TXNRD3: variants seen among roughly 807,000 people sequenced by gnomAD.
TXNRD3 encodes thioredoxin reductase 3, also known as TXNRD3 neighbor gene protein.
Under a neutral mutation model 78.2 loss-of-function variants are expected in TXNRD3, and 68 were observed. The observed-to-expected ratio is 0.87, with a 90% CI of 0.72 to 1.06. The LOEUF (loss-of-function observed/expected upper bound fraction) is 1.06, where lower values mean the gene tolerates loss of function less well. TXNRD3 is among the 50% of genes least tolerant of loss of function. The pLI is 0.00. For missense variants in TXNRD3, 751 were observed against 809.5 expected (o/e 0.93, Z 0.88); for synonymous variants, 296 against 300.1 (o/e 0.99, Z 0.14).
intron 12 of TXNRD3, among the ~76,000 whole-genome samples, chr3:126,619,934 TAAGCGTCATAAGAGCCACATGTACTG>T (rs995000567): frequency 6.6e-5 from 10 of 152,104 alleles, no homozygotes; most frequent in African/African-American, 2.4e-4. Context: ...TTAAGAGACT[TAAGCGTCATAAGAGCCACATGTACTG>T]AAGCGTCAAA....
At chr3:126,644,538 T>C (rs531680260) in intron 3 of TXNRD3, 137 bp from the exon 4 acceptor site, 65 of 652,666 alleles carry the variant, frequency 1.0e-4, no homozygotes, top group African/African-American at 7.2e-4. Context: ...TAAGTTGGAG[T>C]TGTAAATTTA....
In TXNRD3 at chr3:126,636,475, C is replaced by A. The variant is rs72972807; in HGVS notation, c.713-2424G>T. On this transcript the variant is annotated intron_variant, in intron 6 of 15. Transcript: ENST00000524230. ...AAGTATTGCTTCTGACTCTTCTCCA[C>A]CATGTGAAGAAGTATCTGTTTGTTT... is the stretch of plus-strand genomic sequence containing the variant. 6.5e-3 allele frequency among the ~76,000 whole-genome samples: 997 copies of A among 152,270 alleles called. 8 individuals are homozygous for A. Among genetic ancestry groups the A allele is most frequent in the African/African-American group, 0.023 (951 of 41,540 alleles).
rs780526306 is a variant in TXNRD3, at chr3:126,654,711, G to C, written c.243+37C>G. 7.3e-6 allele frequency: 9 copies of C among 1,241,150 alleles called. 1 individual carries two copies. The South Asian group carries it at 2.5e-4, about 34-fold the overall frequency. The allele number at this position is 1,241,150 out of a possible 1,614,324, so 76.9% of individuals were successfully genotyped here. A position where few individuals can be genotyped will look rare whatever the true frequency, so the allele number is the denominator to read the frequency against. On this transcript the variant is annotated intron_variant, in intron 1 of 15. Transcript: ENST00000524230. ...CGGGTGGCGTCCGCGTGGCGGGCCCGGTCGCGCGCGGTGGAACCGGCGAGG... is the reference window on the plus strand; with the variant it reads ...CGGGTGGCGTCCGCGTGGCGGGCCCCGTCGCGCGCGGTGGAACCGGCGAGG...
chr3:126,622,286 T>C (rs1938475737), intron 11 of TXNRD3, among the ~76,000 whole-genome samples, 178 bp downstream of exon 11: 2 of 152,254 alleles, frequency 1.3e-5, no homozygotes, highest in South Asian at 4.1e-4. Context: ...TTTTAAGGCA[T>C]ATGAGCTTTT....
chr3:126,631,312 T>C (rs1559775559), intron 8 of TXNRD3, among the ~76,000 whole-genome samples: 1 of 152,192 alleles, frequency 6.6e-6, no homozygotes. Flanking sequence ...TATTTCTTAA[T>C]GTGAGTCAGC....
intron 6 of TXNRD3, among the ~76,000 whole-genome samples, chr3:126,639,289 T>TA (rs972678310): frequency 6.6e-6 from 1 of 152,186 alleles, no homozygotes; most frequent in African/African-American, 2.4e-5. Context: ...ATCATGCCCT[T>TA]AAAAAAGCCA....
intron 6 of TXNRD3, 103 bp downstream of exon 6, chr3:126,641,929 A>G (rs561205452): frequency 2.3e-6 from 3 of 1,331,230 alleles, no homozygotes; most frequent in Non-Finnish European, 3.0e-6. Flanking sequence ...ATGTTCATTA[A>G]ATGAATTACG....
intron 1 of TXNRD3, among the ~76,000 whole-genome samples, chr3:126,652,384 T>G (rs1249998631): frequency 2.6e-5 from 4 of 152,104 alleles, no homozygotes; most frequent in Non-Finnish European, 1.5e-5. Context: ...CCTCCAGCAT[T>G]AGGGATTACA....
chr3:126,641,943 T>G (rs1332552896), intron 6 of TXNRD3, 89 bp downstream of exon 6: 1 of 1,378,440 alleles, frequency 7.3e-7, no homozygotes, highest in African/African-American at 1.5e-5. Context: ...AATTACGAAC[T>G]CAACTATAAA....
intron 10 of TXNRD3, among the ~76,000 whole-genome samples, chr3:126,627,721 A>C (rs1454808221): frequency 6.6e-6 from 1 of 152,236 alleles, no homozygotes; most frequent in Non-Finnish European, 1.5e-5. Context: ...GAAATTAATC[A>C]GTGGTCAAAT....
chr3:126,613,859 A>G (rs1938249422), intron 13 of TXNRD3, among the ~76,000 whole-genome samples: 1 of 152,262 alleles, frequency 6.6e-6, no homozygotes, highest in Non-Finnish European at 1.5e-5. Flanking sequence ...CATACATTCT[A>G]CTATTATTTT....
In TXNRD3 at chr3:126,655,032, A is replaced by G. The variant is rs2107633105; in HGVS notation, c.-42T>C. The G allele has an allele frequency of 1.5e-6, 2 of 1,290,680 alleles. No individual in the cohort carries two copies. Among genetic ancestry groups the G allele is most frequent in the Middle Eastern group, 2.5e-4 (1 of 4,052 alleles). The allele number at this position is 1,290,680 out of a possible 1,614,324, so 80.0% of individuals were successfully genotyped here. On this transcript the variant is annotated 5_prime_UTR_variant, in exon 1 of 16. Transcript: ENST00000524230. ...CTGGCCCGGCCGGGCCTGCTCACAA[A>G]CCGAAACGCAGGCGGCTGCGGCGCC...
At chr3:126,638,137 G>T (rs537224243) in intron 6 of TXNRD3, among the ~76,000 whole-genome samples, 1 of 151,506 alleles carries the variant, frequency 6.6e-6, no homozygotes, top group African/African-American at 2.4e-5. Context: ...TAGAGACAGG[G>T]TTTCATTGTG....
At chr3:126,639,761 T>G (rs1008239702) in intron 6 of TXNRD3, among the ~76,000 whole-genome samples, 4 of 151,902 alleles carry the variant, frequency 2.6e-5, no homozygotes, top group Admixed American at 2.6e-4. Context: ...TGTAGAGTAA[T>G]TTTTCTATTT....
chr3:126,653,831 AG>A (rs1162170039), intron 1 of TXNRD3, among the ~76,000 whole-genome samples: 1 of 152,244 alleles, frequency 6.6e-6, no homozygotes, highest in Non-Finnish European at 1.5e-5. Flanking sequence ...GATTCATCCC[AG>A]GGAATAGTCA....
intron 4 of TXNRD3, 46 bp downstream of exon 4, chr3:126,644,251 C>A (rs1429672214): frequency 6.8e-7 from 1 of 1,467,182 alleles, no homozygotes; most frequent in South Asian, 1.2e-5. Context: ...ATAGCTATGG[C>A]AGTCATCAGG....
At chr3:126,620,227 G>A (rs1159886058) in intron 12 of TXNRD3, among the ~76,000 whole-genome samples, 1 of 150,922 alleles carries the variant, frequency 6.6e-6, no homozygotes, top group Non-Finnish European at 1.5e-5. Context: ...CCCAGGAGGC[G>A]GAGCTTGCAG....
intron 13 of TXNRD3, among the ~76,000 whole-genome samples, chr3:126,611,458 G>A (rs1938197818): frequency 6.6e-6 from 1 of 152,222 alleles, no homozygotes; most frequent in South Asian, 2.1e-4. Flanking sequence ...GGGCTGCAGA[G>A]TTGAAGACTG....
chr3:126,653,301 C>T (rs1933433202), intron 1 of TXNRD3, among the ~76,000 whole-genome samples: 1 of 152,106 alleles, frequency 6.6e-6, no homozygotes, highest in Non-Finnish European at 1.5e-5. Context: ...TGAGTGAGCA[C>T]TTACTGTATA....
Sources: allele counts gnomAD v4.1 joint callset (sites outside exome capture counted in the v4.1 genomes callset), GRCh38; gene constraint gnomAD v4.1.1; transcripts MANE v1.5; gene names NCBI Gene and HGNC (gene_info 2026-07-23, HGNC 2026-07-21).